UVRAG: variants seen among roughly 807,000 people sequenced by gnomAD.
The protein encoded by UVRAG is UV radiation resistance-associated gene protein.
UVRAG carries 19 observed loss-of-function variants against 78.0 expected under a neutral mutation model. The observed-to-expected ratio is 0.24, with a 90% CI of 0.17 to 0.36. The LOEUF is 0.36. UVRAG is among the 10% of genes least tolerant of loss of function. The probability of loss-of-function intolerance (pLI) is 1.00; values close to 1 mark genes in which losing one functional copy is unlikely to be tolerated. For synonymous variants in UVRAG, 323 were observed against 324.6 expected (o/e 1.00, Z 0.05); for missense variants, 740 against 853.8 (o/e 0.87, Z 1.66).
At chr11:75,970,593 C>T (rs1311352764) in intron 7 of UVRAG, among the ~76,000 whole-genome samples, 3 of 151,948 alleles carry the variant, frequency 2.0e-5, no homozygotes, top group Admixed American at 6.6e-5. Context: ...ATTAGCCGGG[C>T]GTGGTCGCGG....
chr11:76,089,534 G>T (rs1271435382), intron 13 of UVRAG, among the ~76,000 whole-genome samples: 1 of 152,178 alleles, frequency 6.6e-6, no homozygotes, highest in Admixed American at 6.5e-5. Context: ...ATTGAAAATG[G>T]AAGGAAGGGG....
intron 13 of UVRAG, among the ~76,000 whole-genome samples, chr11:76,092,183 C>T (rs1951711880): frequency 1.3e-5 from 2 of 152,134 alleles, no homozygotes; most frequent in South Asian, 4.1e-4. Context: ...TTTTTTATGG[C>T]TGCATAGTAT....
chr11:76,027,349 A>G (rs1950346524), intron 12 of UVRAG, among the ~76,000 whole-genome samples: 1 of 152,086 alleles, frequency 6.6e-6, no homozygotes, highest in Non-Finnish European at 1.5e-5. Context: ...TTACTTTCTC[A>G]CTGAAAATGT....
chr11:76,007,987 A>C (rs902863925), intron 10 of UVRAG, among the ~76,000 whole-genome samples: 1 of 151,754 alleles, frequency 6.6e-6, no homozygotes, highest in Admixed American at 6.6e-5. Context: ...GGCTCACTGC[A>C]AGCTCCCCTT....
intron 3 of UVRAG, among the ~76,000 whole-genome samples, chr11:75,875,429 A>G (rs1011418052): frequency 7.1e-6 from 1 of 140,218 alleles, no homozygotes; most frequent in African/African-American, 2.6e-5. Flanking sequence ...GGTTTTATTT[A>G]TCTTGCTTAG....
chr11:75,925,682 CA>C (rs1197402514), intron 6 of UVRAG, among the ~76,000 whole-genome samples: 1 of 152,152 alleles, frequency 6.6e-6, no homozygotes, highest in Non-Finnish European at 1.5e-5. Context: ...AGGGCCTACA[CA>C]GGGGGTGGAG....
chr11:75,857,255 C>G (rs1034684635), intron 2 of UVRAG, among the ~76,000 whole-genome samples: 1 of 152,184 alleles, frequency 6.6e-6, no homozygotes, highest in Non-Finnish European at 1.5e-5. Context: ...AGGCTAAAAT[C>G]CTTATGGTTT....
Position 76,015,625 on chromosome 11 carries a change from C to A in UVRAG, c.1061-1190C>A, listed in dbSNP as rs1950132847. ...ATATAAAAAAATATATAAATAGTTA[C>A]CTATTTTTATAAGACTACCAAAGAA... On this transcript the variant is annotated intron_variant, in intron 11 of 14. Transcript: ENST00000356136. Among the ~76,000 whole-genome samples, 6 of 151,880 alleles carry A rather than the reference C, an allele frequency of 4.0e-5. No individual in the cohort carries two copies. In the South Asian group the frequency reaches 1.2e-3, roughly 32 times the overall value.
chr11:75,954,815 TG>T (rs1057272204), intron 6 of UVRAG, among the ~76,000 whole-genome samples: 1 of 152,226 alleles, frequency 6.6e-6, no homozygotes, highest in Non-Finnish European at 1.5e-5. Flanking sequence ...AATATTTTTG[TG>T]GTGCCATACA....
intron 5 of UVRAG, among the ~76,000 whole-genome samples, chr11:75,909,373 A>C (rs1947685402): frequency 6.6e-6 from 1 of 152,136 alleles, no homozygotes; most frequent in South Asian, 2.1e-4. Flanking sequence ...AATTCCAGCT[A>C]TTCAGGTGGC....
At chr11:76,040,619 G>A (rs989929348) in intron 12 of UVRAG, among the ~76,000 whole-genome samples, 8 of 152,074 alleles carry the variant, frequency 5.3e-5, no homozygotes, top group African/African-American at 1.2e-4. Flanking sequence ...GCAGTGGCGC[G>A]GTCTCGACTC....
intron 7 of UVRAG, among the ~76,000 whole-genome samples, chr11:75,967,370 G>A (rs373094117): frequency 8.5e-5 from 13 of 152,196 alleles, no homozygotes; most frequent in Middle Eastern, 6.8e-3. Flanking sequence ...TATTTTCTGC[G>A]GAAATCTTTT....
At chr11:76,054,193 T>C (rs1565139193) in intron 12 of UVRAG, among the ~76,000 whole-genome samples, 1 of 152,104 alleles carries the variant, frequency 6.6e-6, no homozygotes, top group Non-Finnish European at 1.5e-5. Context: ...TTCTGTCAGT[T>C]GCTTAGGTCC....
At chr11:76,093,465 C>T (rs534370747) in intron 13 of UVRAG, among the ~76,000 whole-genome samples, 132 of 152,272 alleles carry the variant, frequency 8.7e-4, no homozygotes, top group Middle Eastern at 3.4e-3. Context: ...GCCATTTTCA[C>T]AATATTGATT....
At chr11:75,824,139 C>T (rs569029485) in intron 1 of UVRAG, among the ~76,000 whole-genome samples, 7 of 152,190 alleles carry the variant, frequency 4.6e-5, no homozygotes, top group South Asian at 2.1e-4. Context: ...ACTACCATGC[C>T]GTGTACATTC....
rs763667524 is a variant in UVRAG at position 76,141,122 on chromosome 11, C to T, written c.1809C>T (p.Ser603=). The T allele has an allele frequency of 4.3e-6, 7 of 1,614,154 alleles. No homozygotes were observed. The highest frequency in any genetic ancestry group is 1.6e-4 in the Middle Eastern group (1 of 6,062). The change falls in exon 15 of 15, where the codon AGC becomes AGT. Residue 603 remains serine, a synonymous_variant. Transcript: ENST00000356136. The part of the protein sequence containing the change: ...RATVNGTLLP[S]EQAGSASVQL... ...CAGTCAATGGCACTCTCCTACCCAG[C>T]GAGCAGGCCGGGTCCGCCAGTGTCC...
chr11:75,963,437 C>T (rs540978957), intron 7 of UVRAG, among the ~76,000 whole-genome samples: 29 of 152,310 alleles, frequency 1.9e-4, no homozygotes, highest in African/African-American at 7.0e-4. Flanking sequence ...ATAATGCCAT[C>T]TACATGTTAA....
At chr11:76,083,381 C>T (rs1353060289) in intron 13 of UVRAG, among the ~76,000 whole-genome samples, 1 of 152,028 alleles carries the variant, frequency 6.6e-6, no homozygotes, top group African/African-American at 2.4e-5. Flanking sequence ...GGGATGTATA[C>T]TATTAAAATA....
At chr11:75,963,328 A>C (rs1948945470) in intron 7 of UVRAG, among the ~76,000 whole-genome samples, 1 of 152,216 alleles carries the variant, frequency 6.6e-6, no homozygotes, top group South Asian at 2.1e-4. Flanking sequence ...TCCTTTTATA[A>C]TAGGACAGGA....
Sources: allele counts gnomAD v4.1 joint callset (sites outside exome capture counted in the v4.1 genomes callset), GRCh38; gene constraint gnomAD v4.1.1; transcripts MANE v1.5; gene names NCBI Gene and HGNC (gene_info 2026-07-23, HGNC 2026-07-21).